WRAP73: variants seen among roughly 807,000 people sequenced by gnomAD.
WRAP73 encodes WD repeat-containing protein WRAP73.
A neutral mutation model predicts 59.6 loss-of-function variants in WRAP73; 55 were observed. The observed-to-expected ratio is 0.92, with a 90% CI of 0.74 to 1.15. WRAP73 has a LOEUF of 1.15. Among genes scored for constraint, WRAP73 ranks in the 50% most tolerant of loss-of-function variants. The probability of loss-of-function intolerance (pLI) is 0.00; values close to 1 mark genes in which losing one functional copy is unlikely to be tolerated. For synonymous variants in WRAP73, 265 were observed against 258.2 expected (o/e 1.03, Z -0.25); for missense variants, 592 against 608.1 (o/e 0.97, Z 0.28).
chr1:3,636,961 G>A, intron 5 of WRAP73, 34 bp downstream of exon 5: 1 of 1,600,164 alleles, frequency 6.2e-7, no homozygotes, highest in African/African-American at 1.3e-5. Context: ...ACAGTCAGCA[G>A]GACAACTTTA....
intron 5 of WRAP73, chr1:3,636,556 G>A (rs1354550079): frequency 2.9e-6 from 1 of 341,548 alleles, no homozygotes; most frequent in Non-Finnish European, 5.7e-6. Context: ...GCATTCCAGA[G>A]GTTGCTCTAC....
chr1:3,635,133 T>G (rs1483446153), intron 7 of WRAP73, 27 bp downstream of exon 7: 2 of 1,614,120 alleles, frequency 1.2e-6, no homozygotes, highest in Non-Finnish European at 1.7e-6. Flanking sequence ...CGGTCGGACT[T>G]CCTGAGTGCC....
At position 3,650,059 on chromosome 1, in the gene WRAP73, G is replaced by T. The variant is rs1023765189; in HGVS notation, c.-60C>A. 3.4e-6 allele frequency: 5 copies of T among 1,472,532 alleles called. No individual in the cohort carries two copies. The highest frequency in any genetic ancestry group is 3.6e-6 in the Non-Finnish European group (4 of 1,098,760). The allele number at this position is 1,472,532 out of a possible 1,614,324, so 91.2% of individuals were successfully genotyped here. On this transcript the variant is annotated 5_prime_UTR_variant, in exon 1 of 12. Coordinates refer to ENST00000270708, the MANE Select transcript of WRAP73 (RefSeq NM_017818.4). ...GAAAACCCGCGGGACCCCTGGGCGCGCAGCAGGCTGCAACAGCCGACGCCG... is the reference window on the plus strand; with the variant it reads ...GAAAACCCGCGGGACCCCTGGGCGCTCAGCAGGCTGCAACAGCCGACGCCG...
At chr1:3,637,690 C>T (rs150158749) in intron 4 of WRAP73, among the ~76,000 whole-genome samples, 1 of 152,042 alleles carries the variant, frequency 6.6e-6, no homozygotes, top group Non-Finnish European at 1.5e-5. Flanking sequence ...AAATATCAGC[C>T]GGCTGTGATG....
intron 3 of WRAP73, among the ~76,000 whole-genome samples, chr1:3,640,806 G>A (rs1242517430): frequency 1.3e-5 from 2 of 152,240 alleles, no homozygotes; most frequent in Admixed American, 1.3e-4. Flanking sequence ...CATCAGGAGA[G>A]TCCATGTGCC....
chr1:3,636,228 G>C lies in WRAP73; in HGVS notation c.517-198C>G, dbSNP rs941044539. ...TGCACCGCCACAGATGCCAGCGTCA[G>C]TGCCTGGCCAGCCCCCAAGGGCGGC... On this transcript the variant is annotated intron_variant, in intron 5 of 11. Transcript: ENST00000270708. The C allele has an allele frequency of 2.7e-5, 16 of 585,410 alleles. 1 individual carries two copies. The highest frequency in any genetic ancestry group is 4.6e-5 in the Non-Finnish European group (15 of 328,634). The allele number at this position is 585,410 out of a possible 1,614,324, so 36.3% of individuals were successfully genotyped here. A position where few individuals can be genotyped will look rare whatever the true frequency, so the allele number is the denominator to read the frequency against.
Position 3,646,590 on chromosome 1 carries a change from C to A in WRAP73, c.339+76G>T, listed in dbSNP as rs923446891. The A allele has an allele frequency of 3.2e-6, 4 of 1,266,282 alleles. No individual in the cohort carries two copies. Among genetic ancestry groups the A allele is most frequent in the Non-Finnish European group, 4.4e-6 (4 of 902,552 alleles). 78.4% of individuals were successfully genotyped at this position (1,266,282 alleles called of 1,614,324 possible). A position where few individuals can be genotyped will look rare whatever the true frequency, so the allele number is the denominator to read the frequency against. ...CTAGCATACTCCAAACACACCCCCT[C>A]TCGCACTCCCCAGCTGTTTCGAGAG... On this transcript the variant is annotated intron_variant, in intron 3 of 11. Transcript: ENST00000270708. This position sits in a 1 kb window ranked among gnomAD's most constrained non-coding sequence, Gnocchi z 5.1.
rs532677279 is a variant in WRAP73, at chr1:3,633,385, A to G, written c.922+13T>C. 1.1e-5 allele frequency: 17 copies of G among 1,602,916 alleles called. No homozygotes were observed. Among genetic ancestry groups the G allele is most frequent in the Non-Finnish European group, 9.4e-6 (11 of 1,170,958 alleles). ...AAAAAAGGAAAACAAATGACATCAC[A>G]TGTGCTACTTACATTTACTCTCTGA... On this transcript the variant is annotated intron_variant, in intron 9 of 11. Transcript: ENST00000270708.
chr1:3,631,003 G>T lies in WRAP73; in HGVS notation c.1355C>A (p.Ala452Asp). The T allele has an allele frequency of 6.2e-7, 1 of 1,613,042 alleles. No homozygotes were observed. Among genetic ancestry groups the T allele is most frequent in the Non-Finnish European group, 8.5e-7 (1 of 1,179,992 alleles). The change falls in exon 12 of 12, where the codon GCC becomes GAC. Residue 452 changes from alanine (A) to aspartate (D), a missense_variant. Physicochemically the swap from Ala to Asp is moderately radical, Grantham distance 126. Coordinates refer to ENST00000270708, the MANE Select transcript of WRAP73 (RefSeq NM_017818.4). Reference sequence around the variant, plus strand: ...CGTGTGGCCGCCCAGCTGTCTGCAGGCTGTGCCGACCACTGCCTCTGTCTC... The same window carrying T: ...CGTGTGGCCGCCCAGCTGTCTGCAGTCTGTGCCGACCACTGCCTCTGTCTC... ...FLETEAVVGT[A>D]CRQLGGHT
At chr1:3,637,244 G>T in intron 4 of WRAP73, 146 bp from the exon 5 acceptor site, 2 of 687,410 alleles carry the variant, frequency 2.9e-6, no homozygotes, top group South Asian at 3.7e-5. Context: ...CTGCTCCTCA[G>T]ACAGACAAGA....
In WRAP73 at chr1:3,646,667, T is replaced by C; in HGVS notation, c.338A>G (p.His113Arg). The C allele has an allele frequency of 1.6e-5, 26 of 1,593,126 alleles. No individual in the cohort carries two copies. The highest frequency in any genetic ancestry group is 2.1e-5 in the Non-Finnish European group (24 of 1,165,360). The change falls in exon 3 of 12, where the codon CAT becomes CGT. Residue 113 changes from histidine to arginine, a missense_variant and splice_region_variant. Coordinates refer to ENST00000270708, the MANE Select transcript of WRAP73 (RefSeq NM_017818.4). The surrounding 1 kb of genome is among the most constrained non-coding windows in gnomAD (Gnocchi z 5.1). ...GRHILNTTEF[H>R]LRITVWSLCT... ...AGGTGTCTTGGGGCTGACACTTACATGGAATTCCGTGGTGTTGAGAATGTG... is the reference window on the plus strand; with the variant it reads ...AGGTGTCTTGGGGCTGACACTTACACGGAATTCCGTGGTGTTGAGAATGTG...
At chr1:3,635,448 A>G in intron 6 of WRAP73, 154 bp from the exon 7 acceptor site, 1 of 981,572 alleles carries the variant, frequency 1.0e-6, no homozygotes, top group South Asian at 1.6e-5. Context: ...GCCAGCTAGT[A>G]CTGAGATAGT....
chr1:3,636,884 C>T (rs1426660687), intron 5 of WRAP73, 111 bp downstream of exon 5: 3 of 1,123,342 alleles, frequency 2.7e-6, no homozygotes, highest in Non-Finnish European at 3.9e-6. Context: ...AATACAACAT[C>T]ACCTTGCTCC....
chr1:3,643,604 C>T (rs1325866080), intron 3 of WRAP73, among the ~76,000 whole-genome samples: 1 of 139,680 alleles, frequency 7.2e-6, no homozygotes, highest in African/African-American at 2.5e-5. Context: ...GGAAGGGGAC[C>T]CAGCGGCCCC....
At chr1:3,643,492 G>A (rs998006109) in intron 3 of WRAP73, among the ~76,000 whole-genome samples, 2 of 152,256 alleles carry the variant, frequency 1.3e-5, no homozygotes, top group Non-Finnish European at 2.9e-5. Flanking sequence ...AAATGCAAGA[G>A]GCAGGGACGT....
Position 3,646,764 on chromosome 1 carries a change from G to A in WRAP73, c.241C>T (p.Pro81Ser). Residue 81 changes from proline (P) to serine (S), a missense_variant, in exon 3 of 12, where the codon CCC (proline) becomes TCC (serine). Pro to Ser is a moderately conservative substitution (Grantham distance 74). Transcript: ENST00000270708. The surrounding 1 kb of genome is among the most constrained non-coding windows in gnomAD (Gnocchi z 5.1). ...GLVQVWSLEQ[P>S]EWHCKIDEGS... The stretch of plus-strand genomic sequence containing the variant: ...TCGTCTATTTTGCAGTGCCATTCGG[G>A]CTGCTCTAAAGACCAGACCTGGATT... 2 of 1,612,614 alleles carry A rather than the reference G, an allele frequency of 1.2e-6. No individual in the cohort carries two copies.
chr1:3,632,292 A>G lies in WRAP73; in HGVS notation c.969T>C (p.Val323=), dbSNP rs369968462. 12 of 1,614,048 alleles carry G rather than the reference A, an allele frequency of 7.4e-6. No homozygotes were observed. The highest frequency in any genetic ancestry group is 1.0e-5 in the Non-Finnish European group (12 of 1,180,024). ...VPVSLQTLKP[V]TDRANPKIGI... is the part of the protein sequence containing the mutation. The stretch of plus-strand genomic sequence containing the variant: ...CGATTTTCGGGTTTGCTCTGTCGGT[A>G]ACAGGTTTCAGTGTCTGTAAGGAGA... The change falls in exon 10 of 12, where the codon GTT becomes GTC. Residue 323 remains valine (V), a synonymous_variant. Transcript: ENST00000270708.
At chr1:3,634,948 C>A in intron 8 of WRAP73, 49 bp downstream of exon 8, 2 of 1,599,468 alleles carry the variant, frequency 1.3e-6, no homozygotes, top group Non-Finnish European at 1.7e-6. Context: ...AGTTTCCCAC[C>A]GCCCTCCCCA....
intron 8 of WRAP73, 76 bp from the exon 9 acceptor site, chr1:3,633,579 T>A: frequency 8.7e-7 from 1 of 1,149,246 alleles, no homozygotes; most frequent in Non-Finnish European, 1.2e-6. Flanking sequence ...CAAATGCCCA[T>A]GACAGCGCAT....
Sources: gnomAD v4.1 joint callset for allele counts (sites outside exome capture counted in the v4.1 genomes callset) on GRCh38, gnomAD v4.1.1 for gene constraint, Gnocchi (gnomAD v3.1) non-coding constraint, MANE v1.5 for transcripts, NCBI Gene and HGNC (gene_info 2026-07-23, HGNC 2026-07-21) for gene names.